The following COL12A1 variants were observed in gnomAD, a reference collection of about 807,000 sequenced individuals.
COL12A1 encodes the protein collagen type XII alpha 1 chain, also known as collagen alpha-1(XII) chain.
Under a neutral mutation model 349.7 loss-of-function variants are expected in COL12A1, and 114 were observed. That is an observed-to-expected ratio of 0.33 (90% CI 0.28 to 0.38). COL12A1 has a LOEUF of 0.38. Among genes scored for constraint, COL12A1 ranks in the 10% least tolerant of loss-of-function variants. The pLI is 1.00. For synonymous variants in COL12A1, 1,369 were observed against 1,329.0 expected (o/e 1.03, Z -0.66); for missense variants, 3,284 against 3,756.9 (o/e 0.87, Z 3.29).
chr6:75,103,730 T>A, intron 55 of COL12A1, 27 bp downstream of exon 55: 1 of 1,603,150 alleles, frequency 6.2e-7, no homozygotes, highest in African/African-American at 1.3e-5. Flanking sequence ...TAGATAAGAA[T>A]TTAAATGCAC....
rs758201181 is a variant in COL12A1, at chr6:75,181,020, T to C, written c.2083A>G (p.Thr695Ala). 1.9e-6 allele frequency: 3 copies of C among 1,613,910 alleles called. No homozygotes were observed. The highest frequency in any genetic ancestry group is 2.5e-6 in the Non-Finnish European group (3 of 1,180,006). ...SVVLSSLKPE[T>A]LYLVNVTAEY... ...GCAGTCACATTGACCAAATACAAGG[T>C]CTCTGGCTTCAGGCTGCTGAGAACA... The change falls in exon 11 of 66, where the codon ACC becomes GCC. Residue 695 changes from threonine (T) to alanine (A), a missense_variant. Thr to Ala is a moderately conservative substitution (Grantham distance 58). This residue lies in a region of COL12A1 where 2,601 missense variants were observed against 2,824.8 expected (regional missense o/e 0.92). Transcript: ENST00000322507.
chr6:75,199,034 T>C (rs192601967), intron 2 of COL12A1, among the ~76,000 whole-genome samples: 335 of 152,244 alleles, frequency 2.2e-3, no homozygotes, highest in African/African-American at 7.0e-3. Context: ...TTCATTTGAG[T>C]TTTCAAGGTA....
chr6:75,153,840 C>T (rs1767619224), intron 17 of COL12A1, among the ~76,000 whole-genome samples: 1 of 152,046 alleles, frequency 6.6e-6, no homozygotes, highest in South Asian at 2.1e-4. Context: ...TACCATTTTC[C>T]TTCCCAAGTC....
At chr6:75,134,498 G>A (rs1766482508) in intron 32 of COL12A1, among the ~76,000 whole-genome samples, 1 of 151,962 alleles carries the variant, frequency 6.6e-6, no homozygotes. Context: ...TTGAACCCGG[G>A]AGGCAGAGGA....
At chr6:75,197,555 G>T (rs1271560755) in intron 2 of COL12A1, among the ~76,000 whole-genome samples, 1 of 151,916 alleles carries the variant, frequency 6.6e-6, no homozygotes, top group South Asian at 2.1e-4. Flanking sequence ...CAGGTGATCC[G>T]CCCTCCTCAG....
chr6:75,111,288 A>G (rs962849768), intron 51 of COL12A1, among the ~76,000 whole-genome samples: 3 of 151,946 alleles, frequency 2.0e-5, no homozygotes, highest in African/African-American at 7.2e-5. Flanking sequence ...AGAATTTGGA[A>G]AGAAAAGACA....
At chr6:75,133,546 A>G (rs1218993616) in intron 33 of COL12A1, 124 bp from the exon 34 acceptor site, 5 of 978,676 alleles carry the variant, frequency 5.1e-6, no homozygotes, top group Non-Finnish European at 7.4e-6. Flanking sequence ...TTAGGATGTC[A>G]TAATAAGCCC....
Position 75,085,595 on chromosome 6 carries a change from T to C in COL12A1, c.*952A>G, listed in dbSNP as rs1266296344. ...TTCAAAAATCCAGCAGTAAACACAA[T>C]CATTGCACAAATACTTGGGAAGGGT... is the stretch of plus-strand genomic sequence containing the variant. On this transcript the variant is annotated 3_prime_UTR_variant, in exon 66 of 66. Coordinates refer to ENST00000322507, the MANE Select transcript of COL12A1 (RefSeq NM_004370.6). 1 of 316,502 alleles carries C rather than the reference T, an allele frequency of 3.2e-6. No homozygotes were observed. The highest frequency in any genetic ancestry group is 2.2e-5 in the African/African-American group (1 of 45,978). The allele number at this position is 316,502 out of a possible 1,614,324, so 19.6% of individuals were successfully genotyped here.
chr6:75,151,846 A>G (rs1474743578), intron 20 of COL12A1, 21 bp downstream of exon 20: 1 of 1,611,216 alleles, frequency 6.2e-7, no homozygotes, highest in Non-Finnish European at 8.5e-7. Flanking sequence ...CAGGGGCATC[A>G]CTGTCCTTTT....
chr6:75,113,950 A>G lies in COL12A1; in HGVS notation c.7698-206T>C, dbSNP rs751343548. Among the ~76,000 whole-genome samples the G allele has an allele frequency of 8.6e-5, 13 of 152,004 alleles. No homozygotes were observed. In the Middle Eastern group the frequency reaches 0.01, roughly 119 times the overall value. ...GGAGAAAAATTTAGGAAGCACATCA[A>G]AAGAACAAGCACTAAAGACCAGTTA... On this transcript the variant is annotated intron_variant, in intron 49 of 65. Coordinates refer to ENST00000322507, the MANE Select transcript of COL12A1 (RefSeq NM_004370.6).
Position 75,183,836 on chromosome 6 carries a change from A to G in COL12A1, c.1288+18T>C, listed in dbSNP as rs199924661. On this transcript the variant is annotated intron_variant, in intron 9 of 65. Coordinates refer to ENST00000322507, the MANE Select transcript of COL12A1 (RefSeq NM_004370.6). Reference sequence around the variant, plus strand: ...ATCTTCACATATTCCAAATACAATGATGCACACATTGACTTACCCACTTGA... The same window carrying G: ...ATCTTCACATATTCCAAATACAATGGTGCACACATTGACTTACCCACTTGA... The G allele has an allele frequency of 7.7e-5, 124 of 1,612,424 alleles. No individual in the cohort carries two copies. The highest frequency in any genetic ancestry group is 1.0e-4 in the Non-Finnish European group (118 of 1,178,830).
chr6:75,103,524 G>A (rs1390904697), intron 55 of COL12A1, among the ~76,000 whole-genome samples: 3 of 152,188 alleles, frequency 2.0e-5, no homozygotes, highest in African/African-American at 7.2e-5. Context: ...ATCTTCTGCA[G>A]CTTCCCCATG....
chr6:75,123,847 C>G, intron 42 of COL12A1, 101 bp downstream of exon 42: 3 of 1,246,508 alleles, frequency 2.4e-6, no homozygotes, highest in Non-Finnish European at 3.3e-6. Flanking sequence ...ATTGCTACCC[C>G]TACGGAGAGG....
At chr6:75,112,015 C>T (rs1023783900) in intron 51 of COL12A1, among the ~76,000 whole-genome samples, 8 of 151,774 alleles carry the variant, frequency 5.3e-5, no homozygotes, top group South Asian at 4.1e-4. Context: ...TCAATTTTCA[C>T]TTGAGAATCA....
chr6:75,128,264 C>CA (rs1422383529), intron 38 of COL12A1, 32 bp downstream of exon 38: 1 of 1,520,020 alleles, frequency 6.6e-7, no homozygotes, highest in Non-Finnish European at 8.8e-7. Flanking sequence ...AATTTCAAAG[C>CA]AAAAATAAAA....
chr6:75,113,523 T>G, intron 50 of COL12A1, 79 bp downstream of exon 50: 1 of 1,377,288 alleles, frequency 7.3e-7, no homozygotes, highest in Non-Finnish European at 9.8e-7. Context: ...ATAGTCTATA[T>G]TCAGAAAGTT....
Position 75,146,262 on chromosome 6 carries a change from C to T in COL12A1, c.4418-18G>A. 6.3e-7 allele frequency: 1 copy of T among 1,582,334 alleles called. No homozygotes were observed. Among genetic ancestry groups the T allele is most frequent in the Non-Finnish European group, 8.6e-7 (1 of 1,167,498 alleles). Reference sequence around the variant, plus strand: ...CACTGGCACTTCCAAAACAGAAAAGCAGACCATCAGTCTAGTTCCTTTCAT... The same window carrying T: ...CACTGGCACTTCCAAAACAGAAAAGTAGACCATCAGTCTAGTTCCTTTCAT... On this transcript the variant is annotated intron_variant, in intron 23 of 65. Coordinates refer to ENST00000322507, the MANE Select transcript of COL12A1 (RefSeq NM_004370.6).
chr6:75,156,137 A>C (rs941246930), intron 15 of COL12A1, 120 bp downstream of exon 15: 7 of 1,246,598 alleles, frequency 5.6e-6, no homozygotes, highest in Non-Finnish European at 7.8e-6. Context: ...TTGTCTAGTA[A>C]TTATAATTTA....
rs200698641 is a variant in COL12A1 at position 75,165,611 on chromosome 6, G to A, written c.2879C>T (p.Thr960Met). Residue 960 changes from threonine (T) to methionine (M), a missense_variant, in exon 14 of 66, where the codon ACG becomes ATG. Coordinates refer to ENST00000322507, the MANE Select transcript of COL12A1 (RefSeq NM_004370.6). ...EKNLPEDAIH[T>M]MIENLQPETK... is the part of the protein sequence containing the mutation. Reference sequence around the variant, plus strand: ...CTCTGGCTGCAGATTTTCTATCATCGTATGAATTGCATCTTCAGGCAGATT... The same window carrying A: ...CTCTGGCTGCAGATTTTCTATCATCATATGAATTGCATCTTCAGGCAGATT... 3.8e-5 allele frequency: 61 copies of A among 1,613,744 alleles called. No individual in the cohort carries two copies. The East Asian group carries it at 4.0e-4, about 11-fold the overall frequency.
Sources: gnomAD v4.1 joint callset for allele counts (sites outside exome capture counted in the v4.1 genomes callset) on GRCh38, gnomAD v4.1.1 for gene constraint, gnomAD v4.1.1 regional missense constraint, MANE v1.5 for transcripts, NCBI Gene and HGNC (gene_info 2026-07-23, HGNC 2026-07-21) for gene names.